RABGAP1L: variants seen among roughly 807,000 people sequenced by gnomAD.
The protein encoded by RABGAP1L is rab GTPase-activating protein 1-like.
Under a neutral mutation model 137.7 loss-of-function variants are expected in RABGAP1L, and 63 were observed. The ratio of observed to expected loss-of-function variants is 0.46; its 90% confidence interval spans 0.37 to 0.56. The LOEUF is 0.56. Ranked by LOEUF, RABGAP1L falls within the 20% of genes least tolerant of loss-of-function variation. RABGAP1L has a pLI of 0.00. For synonymous variants in RABGAP1L, 431 were observed against 433.7 expected, an observed-to-expected ratio of 0.99 and a Z score of 0.08; for missense variants, 1,095 against 1,244.0, an observed-to-expected ratio of 0.88 and a Z score of 1.80.
chr1:174,888,215 C>A (rs1459091037), intron 19 of RABGAP1L, among the ~76,000 whole-genome samples: 1 of 152,070 alleles, frequency 6.6e-6, no homozygotes, highest in Non-Finnish European at 1.5e-5. Context: ...TCTGTGGTAT[C>A]TATAGGTGGC....
intron 13 of RABGAP1L, among the ~76,000 whole-genome samples, chr1:174,430,706 T>G (rs1326718500): frequency 6.6e-6 from 1 of 152,214 alleles, no homozygotes; most frequent in African/African-American, 2.4e-5. Flanking sequence ...CCACTGTTCT[T>G]GGAAGTCAGT....
At chr1:174,244,561 C>T (rs1360723830) in intron 5 of RABGAP1L, 1 of 152,166 alleles carries the variant, frequency 6.6e-6, no homozygotes, top group Non-Finnish European at 1.5e-5. Flanking sequence ...CAGGACTGTG[C>T]TTTAGTAGAT....
Position 174,272,459 on chromosome 1 carries a change from TG to T in RABGAP1L, c.1033del (p.Asp345ThrfsTer47), listed in dbSNP as rs1674636550. 6.2e-7 allele frequency: 1 copy of T among 1,600,284 alleles called. No individual in the cohort carries two copies. Among genetic ancestry groups the T allele is most frequent in the East Asian group, 2.3e-5 (1 of 44,164 alleles). ...LSPGRNVKNS[D>X]MHLLDMESMG... is the part of the protein sequence containing the mutation. Reference sequence around the variant, plus strand: ...GCCCAGGTCGAAACGTGAAGAACAGTGACATGCATTTACTGGATATGGTAAT... The same window carrying T: ...GCCCAGGTCGAAACGTGAAGAACAGTACATGCATTTACTGGATATGGTAAT... On this transcript the variant is annotated frameshift_variant, in exon 8 of 26. Transcript: ENST00000681986. LOFTEE classifies it high-confidence loss of function.
intron 11 of RABGAP1L, among the ~76,000 whole-genome samples, chr1:174,370,066 A>G (rs913939697): frequency 1.3e-5 from 2 of 152,204 alleles, no homozygotes; most frequent in African/African-American, 4.8e-5. Flanking sequence ...AAGTAATACT[A>G]CTGTTCTTAA....
chr1:174,761,274 TGAG>T lies in RABGAP1L; in HGVS notation c.2211+8925_2211+8927del, dbSNP rs1447333392. 1.3e-5 allele frequency among the ~76,000 whole-genome samples: 2 copies of T among 152,240 alleles called. No homozygotes were observed. The highest frequency in any genetic ancestry group is 6.5e-5 in the Admixed American group (1 of 15,284). On this transcript the variant is annotated intron_variant, in intron 18 of 25. Coordinates refer to ENST00000681986, the MANE Select transcript of RABGAP1L (RefSeq NM_001366446.1). This position sits in a 1 kb window ranked among gnomAD's most constrained non-coding sequence, Gnocchi z 4.0. ...AACTTTAATGTCAAAAATGCAAACT[TGAG>T]GAGGCCAGAAAGATCACACACAAGA...
chr1:174,759,107 G>A (rs1454410115), intron 18 of RABGAP1L, among the ~76,000 whole-genome samples: 1 of 152,030 alleles, frequency 6.6e-6, no homozygotes, highest in Non-Finnish European at 1.5e-5. Context: ...GGATACCTAT[G>A]AAGTGCCAGG....
intron 18 of RABGAP1L, chr1:174,800,469 G>T: frequency 6.4e-7 from 1 of 1,550,840 alleles, no homozygotes; most frequent in Non-Finnish European, 8.7e-7. Context: ...CTGGGGATGG[G>T]GCATCGTCTG....
At chr1:174,337,204 G>A (rs1467978684) in intron 11 of RABGAP1L, among the ~76,000 whole-genome samples, 3 of 152,008 alleles carry the variant, frequency 2.0e-5, no homozygotes, top group Non-Finnish European at 2.9e-5. Flanking sequence ...AATCAGTTTT[G>A]TTTAGGGCTG....
intron 13 of RABGAP1L, among the ~76,000 whole-genome samples, chr1:174,567,713 C>T (rs1272858212): frequency 2.0e-5 from 3 of 152,082 alleles, no homozygotes; most frequent in South Asian, 4.2e-4. Flanking sequence ...ATGAGAGCTT[C>T]GTAGTAGAGA....
At chr1:174,467,997 T>A (rs115618365) in intron 13 of RABGAP1L, among the ~76,000 whole-genome samples, 10 of 152,194 alleles carry the variant, frequency 6.6e-5, no homozygotes, top group Non-Finnish European at 1.0e-4. Flanking sequence ...CGTGAAATCT[T>A]AGGGTTGAAA....
intron 13 of RABGAP1L, among the ~76,000 whole-genome samples, chr1:174,503,086 C>T (rs752763119): frequency 6.6e-6 from 1 of 152,078 alleles, no homozygotes; most frequent in Non-Finnish European, 1.5e-5. Flanking sequence ...GTGCTGTATT[C>T]TCATCTTCCA....
chr1:174,363,570 C>G (rs1684322609), intron 11 of RABGAP1L, among the ~76,000 whole-genome samples: 1 of 152,124 alleles, frequency 6.6e-6, no homozygotes, highest in South Asian at 2.1e-4. Context: ...TTAGCTAGAA[C>G]TTTCAGTACT....
chr1:174,408,729 G>GT lies in RABGAP1L; in HGVS notation c.1710+14593dup, dbSNP rs56907348. On this transcript the variant is annotated intron_variant, in intron 13 of 25. Coordinates refer to ENST00000681986, the MANE Select transcript of RABGAP1L (RefSeq NM_001366446.1). Reference sequence around the variant, plus strand: ...CTCTGTAGCCTTGTGAGCATCTGTTGTTTTTTTTTGACTTTTTAGTAATAG... The same window carrying GT: ...CTCTGTAGCCTTGTGAGCATCTGTTGTTTTTTTTTTGACTTTTTAGTAATAG... 2.0e-3 allele frequency among the ~76,000 whole-genome samples: 306 copies of GT among 150,894 alleles called. 2 individuals are homozygous for GT. The highest frequency in any genetic ancestry group is 6.8e-3 in the Middle Eastern group (2 of 292).
intron 11 of RABGAP1L, among the ~76,000 whole-genome samples, chr1:174,309,837 G>T (rs2148790781): frequency 6.6e-6 from 1 of 152,152 alleles, no homozygotes; most frequent in East Asian, 1.9e-4. Context: ...ATCCTTGTCT[G>T]TGTCTGGCTT....
chr1:174,550,999 C>CATATACATATATATATATATATATAT (rs1666476787), intron 13 of RABGAP1L, among the ~76,000 whole-genome samples: 2 of 86,348 alleles, frequency 2.3e-5, no homozygotes, highest in African/African-American at 1.7e-4. Flanking sequence ...TATATATACA[C>CATATACATATATATATATATATATAT]ATATATATAT....
At chr1:174,648,117 A>T (rs1467163093) in intron 14 of RABGAP1L, among the ~76,000 whole-genome samples, 3 of 151,260 alleles carry the variant, frequency 2.0e-5, no homozygotes, top group Non-Finnish European at 4.4e-5. Context: ...AATCTGGGTA[A>T]TGTTCTATCT....
chr1:174,866,110 G>GGGGAGA (rs1157913092), intron 19 of RABGAP1L, among the ~76,000 whole-genome samples: 44 of 65,818 alleles, frequency 6.7e-4, no homozygotes, highest in African/African-American at 2.5e-3. Context: ...GGAGGGAGGG[G>GGGGAGA]GAGAGAGAGA....
intron 19 of RABGAP1L, among the ~76,000 whole-genome samples, chr1:174,841,350 C>A (rs1693375788): frequency 6.6e-6 from 1 of 151,876 alleles, no homozygotes; most frequent in East Asian, 1.9e-4. Context: ...TTTTAAATTT[C>A]CTACTAAAAT....
chr1:174,825,136 A>C (rs1299623238), intron 19 of RABGAP1L, among the ~76,000 whole-genome samples: 1 of 152,156 alleles, frequency 6.6e-6, no homozygotes, highest in East Asian at 1.9e-4. Flanking sequence ...GGCACTTCCT[A>C]CCCAAATCAT....
Sources: gnomAD v4.1 joint callset for allele counts (sites outside exome capture counted in the v4.1 genomes callset) on GRCh38, gnomAD v4.1.1 for gene constraint, Gnocchi (gnomAD v3.1) non-coding constraint, MANE v1.5 for transcripts, NCBI Gene and HGNC (gene_info 2026-07-23, HGNC 2026-07-21) for gene names.